The following ELAVL4 variants were observed in gnomAD, a reference collection of about 807,000 sequenced individuals.
ELAVL4 encodes ELAV like RNA binding protein 4, also known as ELAV-like protein 4.
A neutral mutation model predicts 35.6 loss-of-function variants in ELAVL4; 1 was observed. That is an observed-to-expected ratio of 0.03 (90% CI 0.01 to 0.13). ELAVL4 has a LOEUF of 0.13. Among genes scored for constraint, ELAVL4 ranks in the 10% least tolerant of loss-of-function variants. The pLI is 1.00. For missense variants in ELAVL4, 267 were observed against 464.9 expected, an observed-to-expected ratio of 0.57 and a Z score of 3.91; for synonymous variants, 156 against 171.0, an observed-to-expected ratio of 0.91 and a Z score of 0.69.
intron 1 of ELAVL4, among the ~76,000 whole-genome samples, chr1:50,121,294 A>G (rs1348556861): frequency 6.6e-6 from 1 of 152,074 alleles, no homozygotes; most frequent in Non-Finnish European, 1.5e-5. Flanking sequence ...GGGAGGATCC[A>G]TTGAATTGTA....
At chr1:50,135,876 T>C (rs1433433051) in intron 1 of ELAVL4, among the ~76,000 whole-genome samples, 1 of 152,190 alleles carries the variant, frequency 6.6e-6, no homozygotes, top group Non-Finnish European at 1.5e-5. Flanking sequence ...CAGTGGTCTT[T>C]GTGAGTCATC....
intron 1 of ELAVL4, among the ~76,000 whole-genome samples, chr1:50,143,616 G>C (rs552528587): frequency 1.2e-4 from 19 of 152,250 alleles, no homozygotes; most frequent in African/African-American, 4.3e-4. Flanking sequence ...CCCTTGCCAA[G>C]GTCACACAGC....
chr1:50,102,611 C>T (rs1192539143), upstream of ELAVL4, among the ~76,000 whole-genome samples: 1 of 152,152 alleles, frequency 6.6e-6, no homozygotes, highest in Non-Finnish European at 1.5e-5. Context: ...ACTGACCAAA[C>T]ACTATATCCT....
At chr1:50,138,925 A>AT (rs1221901023) in intron 1 of ELAVL4, among the ~76,000 whole-genome samples, 1 of 152,228 alleles carries the variant, frequency 6.6e-6, no homozygotes, top group African/African-American at 2.4e-5. Flanking sequence ...CTGCAAAGCA[A>AT]TATGAAGGTA....
intron 1 of ELAVL4, among the ~76,000 whole-genome samples, chr1:50,085,365 G>A (rs1665191866): frequency 6.6e-6 from 1 of 152,192 alleles, no homozygotes; most frequent in South Asian, 2.1e-4. Flanking sequence ...AGTAGCCAGT[G>A]CCATGGCGTA....
chr1:50,143,809 TATG>T (rs1039553539), intron 1 of ELAVL4, among the ~76,000 whole-genome samples: 1 of 152,144 alleles, frequency 6.6e-6, no homozygotes, highest in African/African-American at 2.4e-5. Flanking sequence ...CCCATTTTTC[TATG>T]ATAACAGAGA....
chr1:50,168,495 T>G (rs549129055), intron 2 of ELAVL4, among the ~76,000 whole-genome samples: 1 of 152,276 alleles, frequency 6.6e-6, no homozygotes, highest in South Asian at 2.1e-4. Flanking sequence ...CTCAAGGCAA[T>G]CTCAGTAGAT....
chr1:50,144,529 G>A (rs568403765), intron 1 of ELAVL4: 4 of 480,942 alleles, frequency 8.3e-6, no homozygotes, highest in African/African-American at 7.9e-5. Context: ...TTAATAAACA[G>A]GTACTGTATT....
chr1:50,130,617 C>A (rs889915301), intron 1 of ELAVL4, among the ~76,000 whole-genome samples: 9 of 152,108 alleles, frequency 5.9e-5, no homozygotes, highest in Non-Finnish European at 8.8e-5. Flanking sequence ...ATATTCCAGG[C>A]ACTTTGTATG....
chr1:50,106,527 TG>T, upstream of ELAVL4: 1 of 657,640 alleles, frequency 1.5e-6, no homozygotes, highest in Non-Finnish European at 2.7e-6. Context: ...CATGCATGAC[TG>T]GGAGACTCGC....
intron 2 of ELAVL4, among the ~76,000 whole-genome samples, chr1:50,170,323 A>C (rs1431852040): frequency 6.6e-6 from 1 of 152,212 alleles, no homozygotes; most frequent in Non-Finnish European, 1.5e-5. Context: ...AGAAAGACGC[A>C]AAGTAAGAAT....
chr1:50,096,815 A>G (rs1018368025), intron 1 of ELAVL4, among the ~76,000 whole-genome samples: 3 of 152,164 alleles, frequency 2.0e-5, no homozygotes, highest in African/African-American at 7.2e-5. Context: ...TAAATATGAC[A>G]CAAAATTCAG....
chr1:50,158,301 G>A (rs540275226), intron 2 of ELAVL4, among the ~76,000 whole-genome samples: 1 of 152,222 alleles, frequency 6.6e-6, no homozygotes, highest in East Asian at 1.9e-4. Flanking sequence ...CTTCTAAGTG[G>A]CAAAGTCGAA....
intron 1 of ELAVL4, among the ~76,000 whole-genome samples, chr1:50,122,737 T>C (rs1333403884): frequency 6.6e-6 from 1 of 152,104 alleles, no homozygotes; most frequent in Non-Finnish European, 1.5e-5. Flanking sequence ...ATTTGGAGAA[T>C]GATAAATGGA....
At chr1:50,142,275 C>T (rs145604264) in intron 1 of ELAVL4, among the ~76,000 whole-genome samples, 241 of 152,344 alleles carry the variant, frequency 1.6e-3, no homozygotes, top group African/African-American at 5.5e-3. Flanking sequence ...TCTTGGCTCA[C>T]TGTACCCTCT....
intron 2 of ELAVL4, among the ~76,000 whole-genome samples, chr1:50,146,686 C>G (rs1673788088): frequency 6.6e-6 from 1 of 152,046 alleles, no homozygotes; most frequent in African/African-American, 2.4e-5. Flanking sequence ...TATTTAGATT[C>G]CTGAATAATC....
intron 1 of ELAVL4, among the ~76,000 whole-genome samples, chr1:50,073,536 A>G (rs1664626695): frequency 1.3e-5 from 2 of 152,280 alleles, no homozygotes; most frequent in South Asian, 4.1e-4. Context: ...GGATTCGAGT[A>G]AAATGCTTTG....
At chr1:50,085,889 A>T (rs1665217168) in intron 1 of ELAVL4, among the ~76,000 whole-genome samples, 1 of 152,196 alleles carries the variant, frequency 6.6e-6, no homozygotes, top group Non-Finnish European at 1.5e-5. Flanking sequence ...ATGCAGAGAT[A>T]TCCCCTTAGC....
chr1:50,188,129 A>C (rs1423808201), intron 3 of ELAVL4, among the ~76,000 whole-genome samples: 2 of 152,256 alleles, frequency 1.3e-5, no homozygotes, highest in East Asian at 3.9e-4. Flanking sequence ...GCAATAGTGT[A>C]GGATGCCTCA....
Sources: allele counts gnomAD v4.1 joint callset (sites outside exome capture counted in the v4.1 genomes callset), GRCh38; gene constraint gnomAD v4.1.1; transcripts MANE v1.5; gene names NCBI Gene and HGNC (gene_info 2026-07-23, HGNC 2026-07-21).